Variants in CFAP58 observed in about 807,000 individuals in gnomAD.
CFAP58 encodes the protein cilia and flagella associated protein 58.
A neutral mutation model predicts 119.5 loss-of-function variants in CFAP58; 88 were observed. That is an observed-to-expected ratio of 0.74 (90% CI 0.62 to 0.88). The LOEUF (loss-of-function observed/expected upper bound fraction) is 0.88, where lower values mean the gene tolerates loss of function less well. CFAP58 is among the 40% of genes least tolerant of loss of function. The probability of loss-of-function intolerance (pLI) is 0.00; values close to 1 mark genes in which losing one functional copy is unlikely to be tolerated. For missense variants in CFAP58, 990 were observed against 1,021.2 expected, an observed-to-expected ratio of 0.97 and a Z score of 0.42; for synonymous variants, 365 against 366.3, an observed-to-expected ratio of 1.00 and a Z score of 0.04.
intron 15 of CFAP58, among the ~76,000 whole-genome samples, chr10:104,409,850 TA>T (rs891962836): frequency 1.4e-4 from 18 of 126,308 alleles, no homozygotes; most frequent in South Asian, 5.0e-4. Context: ...CTCTTGTAAT[TA>T]AAAAAAAATC....
chr10:104,423,062 C>T lies in CFAP58; in HGVS notation c.2256+16269C>T, dbSNP rs138083199. On this transcript the variant is annotated intron_variant, in intron 15 of 17. Transcript: ENST00000369704. ...GTACTTTAATATGCTGGCATCTTGT[C>T]GCTACCCTTGGATTTTATTGCTGAC... Among the ~76,000 whole-genome samples the T allele has an allele frequency of 7.7e-3, 1,164 of 152,128 alleles. 11 individuals carry two copies. Among genetic ancestry groups the T allele is most frequent in the African/African-American group, 0.027 (1,104 of 41,504 alleles).
intron 16 of CFAP58, among the ~76,000 whole-genome samples, chr10:104,449,223 A>G (rs2013156684): frequency 6.6e-6 from 1 of 151,974 alleles, no homozygotes; most frequent in Admixed American, 6.6e-5. Flanking sequence ...CCTAATCAAA[A>G]TCATTTTCAC....
chr10:104,397,771 G>A (rs918451015), intron 11 of CFAP58, among the ~76,000 whole-genome samples: 5 of 152,124 alleles, frequency 3.3e-5, no homozygotes, highest in Non-Finnish European at 5.9e-5. Context: ...GCTTCTTTTT[G>A]TTCTGACCTG....
At chr10:104,425,161 A>T (rs1368968366) in intron 15 of CFAP58, among the ~76,000 whole-genome samples, 1 of 152,192 alleles carries the variant, frequency 6.6e-6, no homozygotes, top group Non-Finnish European at 1.5e-5. Flanking sequence ...GAGTAACTAC[A>T]TATGATGGTG....
At position 104,450,113 on chromosome 10, in the gene CFAP58, G is replaced by T. The variant is rs777384544; in HGVS notation, c.2419G>T (p.Glu807Ter). The change falls in exon 17 of 18, where the codon GAA becomes TAA. Residue 807 changes from glutamate to a stop codon, truncating the protein, a stop_gained. Transcript: ENST00000369704. LOFTEE classifies it high-confidence loss of function. ...GAATATGTATGAAGTACAGAGCAAA[G>T]AATATAAATATGAGGTAGAGAAACT... Reference protein sequence around the residue: ...ELNMYEVQSKEYKYEVEKLTN... With the variant: ...ELNMYEVQSK The T allele has an allele frequency of 6.2e-7, 1 of 1,612,772 alleles. No homozygotes were observed. Among genetic ancestry groups the T allele is most frequent in the Non-Finnish European group, 8.5e-7 (1 of 1,179,308 alleles).
intron 15 of CFAP58, among the ~76,000 whole-genome samples, chr10:104,424,645 C>T (rs984027021): frequency 6.6e-6 from 1 of 152,134 alleles, no homozygotes; most frequent in Non-Finnish European, 1.5e-5. Flanking sequence ...AAAATCCAGA[C>T]CATTACTTTA....
At chr10:104,399,603 C>A in intron 12 of CFAP58, 103 bp downstream of exon 12, 1 of 1,214,000 alleles carries the variant, frequency 8.2e-7, no homozygotes, top group East Asian at 2.6e-5. Context: ...CCAACCAGCC[C>A]TATTGGAAGA....
intron 15 of CFAP58, among the ~76,000 whole-genome samples, chr10:104,431,667 G>A (rs1027805571): frequency 8.6e-5 from 13 of 152,036 alleles, no homozygotes; most frequent in East Asian, 5.8e-4. Context: ...TGAAAACTTC[G>A]TGTCCCTTCA....
At position 104,406,744 on chromosome 10, in the gene CFAP58, G is replaced by A. The variant is rs200805053; in HGVS notation, c.2207G>A (p.Arg736His). Residue 736 changes from arginine to histidine, a missense_variant, in exon 15 of 18, where the codon CGT becomes CAT. Coordinates refer to ENST00000369704, the MANE Select transcript of CFAP58 (RefSeq NM_001008723.2). ...CAGAAAATTCACACCCTGCAGAAGC[G>A]TCTCATCAGCAAGACTGAAGAGGTG... ...LIQKIHTLQK[R>H]LISKTEEVVE... The A allele has an allele frequency of 4.1e-5, 66 of 1,614,174 alleles. No homozygotes were observed. The highest frequency in any genetic ancestry group is 2.7e-4 in the East Asian group (12 of 44,880).
intron 15 of CFAP58, among the ~76,000 whole-genome samples, chr10:104,419,762 A>G (rs2012625371): frequency 6.6e-6 from 1 of 152,136 alleles, no homozygotes; most frequent in Admixed American, 6.5e-5. Flanking sequence ...TATTGGGGAG[A>G]TTATATTAAC....
chr10:104,413,662 T>C (rs11192045), intron 15 of CFAP58, among the ~76,000 whole-genome samples: 25,578 of 151,940 alleles, frequency 0.17, 2,234 homozygotes, highest in Middle Eastern at 0.33. Flanking sequence ...ATGAGGCAGG[T>C]CTATATGCCT....
chr10:104,428,351 C>A (rs1225072607), intron 15 of CFAP58, among the ~76,000 whole-genome samples: 1 of 152,034 alleles, frequency 6.6e-6, no homozygotes, highest in Admixed American at 6.5e-5. Flanking sequence ...AGATGTGAGA[C>A]AATGGGGACA....
At chr10:104,349,778 A>C (rs2014438637), upstream of CFAP58, among the ~76,000 whole-genome samples, 2 of 152,240 alleles carry the variant, frequency 1.3e-5, no homozygotes, top group South Asian at 4.1e-4. Context: ...TGGAAAAGGT[A>C]GTCTGGGGAA....
At chr10:104,343,154 T>C in the CFAP58 span, among the ~76,000 whole-genome samples, 3 of 152,198 alleles carry the variant, frequency 2.0e-5, no homozygotes, top group Admixed American at 2.0e-4. Context: ...CACAAGATAA[T>C]AGCAAGTTAG....
intron 15 of CFAP58, among the ~76,000 whole-genome samples, chr10:104,425,239 T>A (rs1229283709): frequency 2.0e-5 from 3 of 152,130 alleles, no homozygotes; most frequent in Admixed American, 6.5e-5. Flanking sequence ...TTGAAGAAGG[T>A]ACATTTGGAA....
intron 9 of CFAP58, among the ~76,000 whole-genome samples, chr10:104,381,956 C>G (rs534947727): frequency 1.3e-5 from 2 of 152,316 alleles, no homozygotes; most frequent in Non-Finnish European, 2.9e-5. Context: ...AATTTAGGCC[C>G]TGGTATTATC....
At chr10:104,373,194 A>G (rs948503970) in intron 7 of CFAP58, among the ~76,000 whole-genome samples, 3 of 152,236 alleles carry the variant, frequency 2.0e-5, no homozygotes, top group Non-Finnish European at 4.4e-5. Context: ...TATATATTAA[A>G]AAAAGCCACA....
At chr10:104,436,277 G>A (rs899037701) in intron 15 of CFAP58, among the ~76,000 whole-genome samples, 2 of 152,042 alleles carry the variant, frequency 1.3e-5, no homozygotes, top group African/African-American at 2.4e-5. Flanking sequence ...ATGTATATAC[G>A]ATACAATAGA....
intron 9 of CFAP58, among the ~76,000 whole-genome samples, chr10:104,387,926 A>G (rs1319542484): frequency 6.6e-6 from 1 of 152,194 alleles, no homozygotes; most frequent in African/African-American, 2.4e-5. Context: ...TGTCAAGCAA[A>G]GCTCTTCAGG....
Sources: allele counts gnomAD v4.1 joint callset (sites outside exome capture counted in the v4.1 genomes callset), GRCh38; gene constraint gnomAD v4.1.1; transcripts MANE v1.5; gene names NCBI Gene and HGNC (gene_info 2026-07-23, HGNC 2026-07-21).